Variants in CNTLN observed in about 807,000 individuals in gnomAD.
The protein encoded by CNTLN is centlein, centrosomal protein.
CNTLN carries 212 observed loss-of-function variants against 180.0 expected under a neutral mutation model. The ratio of observed to expected loss-of-function variants is 1.18; its 90% CI spans 1.05 to 1.32. CNTLN has a LOEUF of 1.32. Among genes scored for constraint, CNTLN ranks in the 40% most tolerant of loss-of-function variants. The pLI is 0.00. For missense variants in CNTLN, 2,095 were observed against 1,610.9 expected, an observed-to-expected ratio of 1.30 and a Z score of -5.14; for synonymous variants, 722 against 563.1, an observed-to-expected ratio of 1.28 and a Z score of -3.99.
At chr9:17,221,560 G>T (rs2132051899) in intron 2 of CNTLN, among the ~76,000 whole-genome samples, 1 of 152,142 alleles carries the variant, frequency 6.6e-6, no homozygotes, top group African/African-American at 2.4e-5. Context: ...AAAATTTCCA[G>T]TGTGGTTTAT....
In CNTLN at chr9:17,198,761, T is replaced by C. The variant is rs112896317; in HGVS notation, c.450-27442T>C. Among the ~76,000 whole-genome samples the C allele has an allele frequency of 5.2e-3, 784 of 151,830 alleles. 5 individuals are homozygous for C. Among genetic ancestry groups the C allele is most frequent in the African/African-American group, 0.018 (726 of 41,376 alleles). On this transcript the variant is annotated intron_variant, in intron 2 of 25. Coordinates refer to ENST00000380647, the MANE Select transcript of CNTLN (RefSeq NM_017738.4). ...GTTCTCATTGTTCAACTCCCGCTTA[T>C]GAGTGAGAATGTGTGGTGTTTGGTT...
At chr9:17,284,692 T>G (rs1453446670) in intron 6 of CNTLN, among the ~76,000 whole-genome samples, 1 of 152,146 alleles carries the variant, frequency 6.6e-6, no homozygotes, top group Non-Finnish European at 1.5e-5. Flanking sequence ...TTTATTAATT[T>G]TTTCAACAAA....
chr9:17,524,895 G>A, the CNTLN span, among the ~76,000 whole-genome samples: 2 of 152,138 alleles, frequency 1.3e-5, no homozygotes, highest in South Asian at 2.1e-4. Flanking sequence ...GCTTCTTACT[G>A]TCCACTTGTC....
chr9:17,281,391 G>T (rs1376726405), intron 6 of CNTLN, among the ~76,000 whole-genome samples: 2 of 151,936 alleles, frequency 1.3e-5, no homozygotes, highest in African/African-American at 4.8e-5. Context: ...TATCACCTAG[G>T]TATTAAGCCC....
intron 1 of CNTLN, among the ~76,000 whole-genome samples, chr9:17,139,475 A>T (rs1055903321): frequency 6.6e-6 from 1 of 151,956 alleles, no homozygotes; most frequent in African/African-American, 2.4e-5. Context: ...AGCCTGGCCA[A>T]CATGGCGAAA....
chr9:17,369,119 TG>T (rs1824089530), intron 13 of CNTLN, among the ~76,000 whole-genome samples: 4 of 152,094 alleles, frequency 2.6e-5, no homozygotes, highest in Admixed American at 2.0e-4. Flanking sequence ...AATTGAATCA[TG>T]GGGGTGGTTT....
At chr9:17,285,018 T>C (rs558758654) in intron 6 of CNTLN, among the ~76,000 whole-genome samples, 2 of 151,398 alleles carry the variant, frequency 1.3e-5, no homozygotes, top group South Asian at 4.2e-4. Flanking sequence ...TTTTTTTTAA[T>C]TATACTTTAA....
intron 1 of CNTLN, among the ~76,000 whole-genome samples, chr9:17,138,508 T>C (rs1056832756): frequency 6.6e-6 from 1 of 152,208 alleles, no homozygotes; most frequent in African/African-American, 2.4e-5. Context: ...TGTTAGAAAT[T>C]TAGATGTGTT....
At chr9:17,280,996 A>G (rs1242317397) in intron 6 of CNTLN, among the ~76,000 whole-genome samples, 4 of 152,164 alleles carry the variant, frequency 2.6e-5, no homozygotes, top group Admixed American at 2.0e-4. Flanking sequence ...TAAGACACAT[A>G]TTTAATAAGA....
At chr9:17,232,215 G>A (rs570082509) in intron 3 of CNTLN, among the ~76,000 whole-genome samples, 22 of 151,930 alleles carry the variant, frequency 1.4e-4, no homozygotes, top group Admixed American at 3.3e-4. Flanking sequence ...CTCTTGTGTT[G>A]GGAGAGAATC....
intron 5 of CNTLN, among the ~76,000 whole-genome samples, chr9:17,237,396 C>T (rs965648737): frequency 6.9e-6 from 1 of 145,400 alleles, no homozygotes; most frequent in Non-Finnish European, 1.5e-5. Flanking sequence ...CACACACACA[C>T]ACACACACAC....
In CNTLN at chr9:17,456,703, A is replaced by G. The variant is rs1338851475; in HGVS notation, c.3115-821A>G. On this transcript the variant is annotated intron_variant, in intron 18 of 25. Coordinates refer to ENST00000380647, the MANE Select transcript of CNTLN (RefSeq NM_017738.4). ...TAATTGTACCTTATGTTAAGGTACC[A>G]CATTATAAGCTTCTTTGGAATAATA... Among the ~76,000 whole-genome samples the G allele has an allele frequency of 2.6e-5, 4 of 152,248 alleles. No homozygotes were observed. In the East Asian group the frequency reaches 7.7e-4, roughly 29 times the overall value.
At chr9:17,396,689 G>A (rs960857593) in intron 15 of CNTLN, among the ~76,000 whole-genome samples, 1 of 152,110 alleles carries the variant, frequency 6.6e-6, no homozygotes, top group Non-Finnish European at 1.5e-5. Context: ...CATTCCAAAG[G>A]TTAGGTCACA....
chr9:17,241,730 C>G (rs1457146446), intron 5 of CNTLN, among the ~76,000 whole-genome samples: 1 of 151,568 alleles, frequency 6.6e-6, no homozygotes, highest in East Asian at 1.9e-4. Context: ...TTTAATTTCT[C>G]TCATCAATGT....
At chr9:17,186,387 A>G (rs1392338405) in intron 2 of CNTLN, among the ~76,000 whole-genome samples, 3 of 152,170 alleles carry the variant, frequency 2.0e-5, no homozygotes, top group African/African-American at 4.8e-5. Flanking sequence ...GTTGGTAAGC[A>G]TTAGGAAGTA....
chr9:17,138,081 G>A (rs183788184), intron 1 of CNTLN, among the ~76,000 whole-genome samples: 1 of 152,064 alleles, frequency 6.6e-6, no homozygotes, highest in East Asian at 1.9e-4. Context: ...TGTTCCAAAG[G>A]GTAATTTTGC....
At chr9:17,232,538 C>G (rs1241477194) in intron 3 of CNTLN, among the ~76,000 whole-genome samples, 2 of 151,822 alleles carry the variant, frequency 1.3e-5, no homozygotes, top group East Asian at 3.9e-4. Context: ...TTGGTTCTTC[C>G]TAGAGTTTAA....
At chr9:17,315,954 T>G (rs996322213) in intron 8 of CNTLN, among the ~76,000 whole-genome samples, 2 of 47,288 alleles carry the variant, frequency 4.2e-5, no homozygotes, top group Non-Finnish European at 1.2e-4. Flanking sequence ...ATTTCTCCTT[T>G]CTGTTCTATT....
the CNTLN span, among the ~76,000 whole-genome samples, chr9:17,527,334 G>C: frequency 6.6e-6 from 1 of 152,102 alleles, no homozygotes; most frequent in Non-Finnish European, 1.5e-5. Flanking sequence ...GATTATCTTT[G>C]TTAATTCTCC....
Sources: allele counts gnomAD v4.1 joint callset (sites outside exome capture counted in the v4.1 genomes callset), GRCh38; gene constraint gnomAD v4.1.1; transcripts MANE v1.5; gene names NCBI Gene and HGNC (gene_info 2026-07-23, HGNC 2026-07-21).